Variants in QTMAN observed in about 807,000 individuals in gnomAD.
QTMAN encodes queuosine-tRNA mannosyltransferase.
chr2:144,044,602 A>G, the QTMAN span, among the ~76,000 whole-genome samples: 2 of 152,346 alleles, frequency 1.3e-5, no homozygotes, highest in Non-Finnish European at 2.9e-5. Context: ...GCCAGGTAAT[A>G]AAAGTTACAG....
chr2:144,294,859 G>A, the QTMAN span, among the ~76,000 whole-genome samples: 1 of 152,094 alleles, frequency 6.6e-6, no homozygotes, highest in Non-Finnish European at 1.5e-5. Flanking sequence ...AAGAAGAAAG[G>A]GAGGACCCTG....
At chr2:144,133,304 C>CATATAAATATATATGTATATATACAT in the QTMAN span, among the ~76,000 whole-genome samples, 2 of 20,096 alleles carry the variant, frequency 1.0e-4, no homozygotes, top group South Asian at 1.7e-3. Flanking sequence ...TATATATGTT[C>CATATAAATATATATGTATATATACAT]ATATAAATAT....
the QTMAN span, among the ~76,000 whole-genome samples, chr2:143,951,548 A>G: frequency 1.3e-5 from 2 of 151,532 alleles, no homozygotes; most frequent in African/African-American, 4.8e-5. Flanking sequence ...TAGTTCAAAA[A>G]TGAACACCAA....
chr2:144,109,145 T>A, the QTMAN span, among the ~76,000 whole-genome samples: 3 of 152,156 alleles, frequency 2.0e-5, no homozygotes, highest in Non-Finnish European at 4.4e-5. Context: ...CTTCAAACTA[T>A]ACTACAAGGC....
chr2:144,054,736 G>C, the QTMAN span, among the ~76,000 whole-genome samples: 1 of 152,008 alleles, frequency 6.6e-6, no homozygotes, highest in East Asian at 1.9e-4. Flanking sequence ...AACTGTTCTG[G>C]GATCAGCACT....
At chr2:144,325,393 T>C in the QTMAN span, among the ~76,000 whole-genome samples, 6 of 152,166 alleles carry the variant, frequency 3.9e-5, no homozygotes, top group South Asian at 1.2e-3. Context: ...TCTGGATTCC[T>C]GTGTAGCAAA....
chr2:144,115,461 A>G, the QTMAN span, among the ~76,000 whole-genome samples: 1 of 152,200 alleles, frequency 6.6e-6, no homozygotes, highest in Admixed American at 6.5e-5. Context: ...TAACTGTGGC[A>G]TCATTTGTTT....
At chr2:144,199,331 G>A in the QTMAN span, among the ~76,000 whole-genome samples, 1 of 152,286 alleles carries the variant, frequency 6.6e-6, no homozygotes, top group East Asian at 1.9e-4. Flanking sequence ...TTACAGGCGT[G>A]AGCCACCGTG....
chr2:144,110,015 A>G, the QTMAN span, among the ~76,000 whole-genome samples: 1 of 152,342 alleles, frequency 6.6e-6, no homozygotes, highest in Admixed American at 6.5e-5. Flanking sequence ...TAGAAATAGC[A>G]TTTGACCCAG....
chr2:143,948,546 A>ATTTGT, the QTMAN span, among the ~76,000 whole-genome samples: 10 of 152,266 alleles, frequency 6.6e-5, no homozygotes, highest in African/African-American at 2.4e-4. Context: ...TACCTTACAC[A>ATTTGT]ACTGCCCTAT....
the QTMAN span, among the ~76,000 whole-genome samples, chr2:143,987,891 A>C: frequency 3.9e-5 from 6 of 152,264 alleles, no homozygotes; most frequent in South Asian, 6.2e-4. Context: ...CCGCAACCCC[A>C]AAAAACACAA....
At chr2:144,142,463 C>T in the QTMAN span, among the ~76,000 whole-genome samples, 5 of 151,788 alleles carry the variant, frequency 3.3e-5, no homozygotes, top group Admixed American at 6.6e-5. Flanking sequence ...ACCATACTAC[C>T]GAGAACAGAG....
At chr2:144,093,778 A>G in the QTMAN span, among the ~76,000 whole-genome samples, 1 of 152,102 alleles carries the variant, frequency 6.6e-6, no homozygotes, top group Non-Finnish European at 1.5e-5. Context: ...AGCAATATTT[A>G]TGTGGATATG....
chr2:144,192,214 C>G, the QTMAN span, among the ~76,000 whole-genome samples: 3 of 151,968 alleles, frequency 2.0e-5, no homozygotes, highest in African/African-American at 7.3e-5. Flanking sequence ...TCAAGTGATT[C>G]TCCTGCCTCA....
At chr2:144,068,156 C>T in the QTMAN span, among the ~76,000 whole-genome samples, 9 of 152,096 alleles carry the variant, frequency 5.9e-5, no homozygotes, top group South Asian at 4.1e-4. Context: ...TACTTGTGCA[C>T]GCACACATGA....
chr2:144,137,723 A>AAG, the QTMAN span, among the ~76,000 whole-genome samples: 11 of 151,716 alleles, frequency 7.3e-5, no homozygotes, highest in East Asian at 5.8e-4. Flanking sequence ...GAGAGAGAGA[A>AAG]AGAGAGAGAG....
chr2:144,187,058 T>C, the QTMAN span, among the ~76,000 whole-genome samples: 1 of 152,220 alleles, frequency 6.6e-6, no homozygotes, highest in African/African-American at 2.4e-5. Flanking sequence ...GAAAATATTA[T>C]ATAATAGCAG....
the QTMAN span, among the ~76,000 whole-genome samples, chr2:144,107,989 A>G: frequency 2.6e-5 from 4 of 152,186 alleles, no homozygotes; most frequent in Non-Finnish European, 5.9e-5. Flanking sequence ...TATAAACAGA[A>G]CCAAAGACAC....
chr2:144,176,832 T>A, the QTMAN span, among the ~76,000 whole-genome samples: 6 of 152,200 alleles, frequency 3.9e-5, 1 homozygote, highest in African/African-American at 1.4e-4. Context: ...TAGTCTGTTC[T>A]CACATTGCTA....
Sources: gnomAD v4.1 joint callset for allele counts (sites outside exome capture counted in the v4.1 genomes callset) on GRCh38, gnomAD v4.1.1 for gene constraint, MANE v1.5 for transcripts, NCBI Gene and HGNC (gene_info 2026-07-23, HGNC 2026-07-21) for gene names.